OTOGL: variants seen among roughly 807,000 people sequenced by gnomAD.
The protein encoded by OTOGL is otogelin like, also known as otogelin-like protein.
OTOGL carries 285 observed loss-of-function variants against 318.5 expected under a neutral mutation model. The ratio of observed to expected loss-of-function variants is 0.89; its 90% CI spans 0.81 to 0.99. The LOEUF (loss-of-function observed/expected upper bound fraction) is 0.99. OTOGL is among the 50% of genes least tolerant of loss of function. The pLI is 0.00. For synonymous variants in OTOGL, 987 were observed against 936.5 expected (o/e 1.05, Z -0.99); for missense variants, 2,899 against 2,845.6 (o/e 1.02, Z -0.43).
chr12:80,376,771 G>T (rs1201004190), intron 57 of OTOGL, among the ~76,000 whole-genome samples: 2 of 151,832 alleles, frequency 1.3e-5, no homozygotes, highest in Non-Finnish European at 2.9e-5. Context: ...ACACTTTATG[G>T]TTTATTCCAA....
intron 1 of OTOGL, among the ~76,000 whole-genome samples, chr12:80,181,109 C>T (rs1464143995): frequency 6.6e-6 from 1 of 152,062 alleles, no homozygotes; most frequent in Non-Finnish European, 1.5e-5. Context: ...TTATTATGAG[C>T]ATGAAGGTTT....
In OTOGL at chr12:80,103,315, C is replaced by T. The variant is rs1446404496; in HGVS notation, c.-20+3710C>T. ...CGATTCTTGCTTCGGTCGGAAGTCA[C>T]AAAGGGATTAAACTTCATTTTGGCC... On this transcript the variant is annotated intron_variant, in intron 1 of 58. Transcript: ENST00000547103. 3.1e-6 allele frequency: 5 copies of T among 1,587,368 alleles called. No individual in the cohort carries two copies. In the Admixed American group the frequency reaches 8.3e-5, roughly 26 times the overall value.
At chr12:80,202,564 C>T (rs544429985) in intron 1 of OTOGL, among the ~76,000 whole-genome samples, 20 of 152,290 alleles carry the variant, frequency 1.3e-4, no homozygotes, top group Admixed American at 2.6e-4. Flanking sequence ...TGAGCCACCG[C>T]GCCCAGCCTG....
At chr12:80,241,618 C>A (rs543747795) in intron 11 of OTOGL, among the ~76,000 whole-genome samples, 1 of 152,200 alleles carries the variant, frequency 6.6e-6, no homozygotes, top group East Asian at 1.9e-4. Context: ...ATCTTTAGCA[C>A]CCATTTGTCA....
chr12:80,171,325 C>T (rs1197102910), intron 1 of OTOGL, among the ~76,000 whole-genome samples: 1 of 152,130 alleles, frequency 6.6e-6, no homozygotes, highest in Non-Finnish European at 1.5e-5. Context: ...AGCAATCCTC[C>T]CACCTCAGCC....
At chr12:80,191,411 C>A (rs2137262647) in intron 1 of OTOGL, among the ~76,000 whole-genome samples, 1 of 152,242 alleles carries the variant, frequency 6.6e-6, no homozygotes, top group Admixed American at 6.5e-5. Context: ...GCACTCCAGC[C>A]TGGGTGACAG....
At chr12:80,167,810 C>T (rs1020721235) in intron 1 of OTOGL, among the ~76,000 whole-genome samples, 2 of 149,112 alleles carry the variant, frequency 1.3e-5, no homozygotes, top group Non-Finnish European at 2.9e-5. Flanking sequence ...TAGCCTCTTA[C>T]CACATAGCGG....
At chr12:80,350,855 G>A (rs190562344) in intron 44 of OTOGL, among the ~76,000 whole-genome samples, 135 of 152,182 alleles carry the variant, frequency 8.9e-4, no homozygotes, top group African/African-American at 3.1e-3. Flanking sequence ...TCTATAGGTC[G>A]TCTCTTTACT....
Position 80,358,792 on chromosome 12 carries a change from T to C in OTOGL, c.6226+17T>C. The C allele has an allele frequency of 1.3e-6, 2 of 1,585,472 alleles. No individual in the cohort carries two copies. Among genetic ancestry groups the C allele is most frequent in the South Asian group, 1.1e-5 (1 of 88,840 alleles). ...GGCACTGTGGTAACTAATTTTCATA[T>C]TTTAAGGTTTCATTATAATAAGTTA... On this transcript the variant is annotated intron_variant, in intron 51 of 58. Coordinates refer to ENST00000547103, the MANE Select transcript of OTOGL (RefSeq NM_001378609.3).
intron 9 of OTOGL, among the ~76,000 whole-genome samples, chr12:80,234,773 A>G (rs148291622): frequency 5.3e-5 from 8 of 152,328 alleles, no homozygotes; most frequent in Non-Finnish European, 8.8e-5. Flanking sequence ...TAGATAATGC[A>G]TCGTCAGGAT....
At chr12:80,179,898 T>C (rs1565890036) in intron 1 of OTOGL, among the ~76,000 whole-genome samples, 1 of 152,250 alleles carries the variant, frequency 6.6e-6, no homozygotes, top group African/African-American at 2.4e-5. Flanking sequence ...AGGGGACCCA[T>C]AGGTAGCCAA....
At chr12:80,249,370 T>G (rs1047271278) in intron 11 of OTOGL, among the ~76,000 whole-genome samples, 1 of 151,342 alleles carries the variant, frequency 6.6e-6, no homozygotes, top group Non-Finnish European at 1.5e-5. Flanking sequence ...TGTTTGTTAG[T>G]TTCCCTTCTA....
In OTOGL at chr12:80,210,880, C is replaced by T; in HGVS notation, c.113C>T (p.Thr38Ile). 4 of 1,481,840 alleles carry T rather than the reference C, an allele frequency of 2.7e-6. No homozygotes were observed. The highest frequency in any genetic ancestry group is 3.6e-6 in the Non-Finnish European group (4 of 1,112,810). The allele number at this position is 1,481,840 out of a possible 1,614,324, so 91.8% of individuals were successfully genotyped here. The change falls in exon 3 of 59, where the codon ACA becomes ATA. Residue 38 changes from threonine to isoleucine, a missense_variant. Around this residue, in one of 3 missense-constraint regions of OTOGL, gnomAD observed 2,607 missense variants for 2,524.9 expected, o/e 1.03. Coordinates refer to ENST00000547103, the MANE Select transcript of OTOGL (RefSeq NM_001378609.3). The stretch of plus-strand genomic sequence containing the variant: ...TGTGCATCGTCTATATTGATGGGAA[C>T]ATCAAAGTGAGTATTTCTTGTTCTT... ...YICASSILMGTSKNGFNENRQ... is the reference protein window; with the variant it reads ...YICASSILMGISKNGFNENRQ...
chr12:80,303,407 G>A (rs1187850345), intron 28 of OTOGL, among the ~76,000 whole-genome samples: 1 of 152,084 alleles, frequency 6.6e-6, no homozygotes, highest in Non-Finnish European at 1.5e-5. Flanking sequence ...CACCCGCCTC[G>A]GCCTCCCAAA....
chr12:80,150,571 G>A (rs903992650), intron 1 of OTOGL, among the ~76,000 whole-genome samples: 1 of 150,884 alleles, frequency 6.6e-6, no homozygotes, highest in African/African-American at 2.5e-5. Flanking sequence ...ACTGGAGAAG[G>A]GAAGACCTGC....
At chr12:80,138,531 A>AT (rs1392026480) in intron 1 of OTOGL, among the ~76,000 whole-genome samples, 2 of 152,076 alleles carry the variant, frequency 1.3e-5, no homozygotes, top group Admixed American at 6.6e-5. Context: ...AGAGTGAGGG[A>AT]TTTTTTTCAT....
In OTOGL at chr12:80,229,276, G is replaced by T; in HGVS notation, c.509G>T (p.Cys170Phe). ...TTTAAGGTTCATAACAGCCCTAAAT[G>T]CCTTGGTTCGGTGTATTCTTGTTAT... ...YTVWVHNSPK[C>F]LGSVYSCYRS... Residue 170 changes from cysteine (C) to phenylalanine (F), a missense_variant, in exon 8 of 59, where the codon TGC becomes TTC. This residue lies in a region of OTOGL where 2,607 missense variants were observed against 2,524.9 expected (regional missense o/e 1.03). Coordinates refer to ENST00000547103, the MANE Select transcript of OTOGL (RefSeq NM_001378609.3). The T allele has an allele frequency of 1.9e-6, 3 of 1,597,842 alleles. No individual in the cohort carries two copies. Among genetic ancestry groups the T allele is most frequent in the Non-Finnish European group, 1.7e-6 (2 of 1,178,470 alleles).
At chr12:80,161,667 G>A (rs895541052) in intron 1 of OTOGL, among the ~76,000 whole-genome samples, 1 of 152,054 alleles carries the variant, frequency 6.6e-6, no homozygotes, top group Non-Finnish European at 1.5e-5. Flanking sequence ...CTGAAAGAAC[G>A]GTGCTACCGT....
intron 26 of OTOGL, among the ~76,000 whole-genome samples, chr12:80,294,688 A>G (rs772876813): frequency 6.6e-6 from 1 of 152,170 alleles, no homozygotes; most frequent in Non-Finnish European, 1.5e-5. Flanking sequence ...ACACTATAAT[A>G]CTTATTAACA....
Sources: allele counts gnomAD v4.1 joint callset (sites outside exome capture counted in the v4.1 genomes callset), GRCh38; gene constraint gnomAD v4.1.1; regional missense constraint gnomAD v4.1.1; transcripts MANE v1.5; gene names NCBI Gene and HGNC (gene_info 2026-07-23, HGNC 2026-07-21).